The following TBX19 variants were observed in gnomAD, a reference collection of about 807,000 sequenced individuals.
The protein encoded by TBX19 is T-box transcription factor TBX19.
TBX19 carries 33 observed loss-of-function variants against 40.9 expected under a neutral mutation model. The ratio of observed to expected loss-of-function variants is 0.81; its 90% CI spans 0.61 to 1.08. TBX19 has a LOEUF of 1.08. Among genes scored for constraint, TBX19 ranks in the 50% least tolerant of loss-of-function variants. The probability of loss-of-function intolerance (pLI) is 0.00; values close to 1 mark genes in which losing one functional copy is unlikely to be tolerated. For synonymous variants in TBX19, 220 were observed against 225.0 expected (o/e 0.98, Z 0.20); for missense variants, 494 against 574.0 (o/e 0.86, Z 1.42).
In TBX19 at chr1:168,295,262, T is replaced by G. The variant is rs1013669588; in HGVS notation, c.603+1984T>G. On this transcript the variant is annotated intron_variant, in intron 3 of 7. Transcript: ENST00000367821. ...GCCGAGATTGCGCCACTGCACTCCA[T>G]CCTGGGTGAGAGAGCAAGACTTGGT... 2.6e-5 allele frequency among the ~76,000 whole-genome samples: 4 copies of G among 151,736 alleles called. No homozygotes were observed. In the South Asian group the frequency reaches 8.4e-4, roughly 32 times the overall value.
chr1:168,299,580 A>G (rs1232678076), intron 4 of TBX19, among the ~76,000 whole-genome samples: 1 of 151,778 alleles, frequency 6.6e-6, no homozygotes, highest in African/African-American at 2.4e-5. Context: ...GGCTCAAGCT[A>G]TCCTCCTGCT....
intron 1 of TBX19, among the ~76,000 whole-genome samples, chr1:168,283,257 T>C (rs1362716653): frequency 6.6e-6 from 1 of 152,248 alleles, no homozygotes; most frequent in Non-Finnish European, 1.5e-5. Flanking sequence ...CTGATTGCGG[T>C]GAACTTGGCT....
chr1:168,310,811 T>C (rs990888418), intron 7 of TBX19, among the ~76,000 whole-genome samples: 8 of 146,572 alleles, frequency 5.5e-5, no homozygotes. Flanking sequence ...TTAATATCTA[T>C]AAAATATATA....
chr1:168,293,158 T>G lies in TBX19; in HGVS notation c.483T>G (p.Ser161=), dbSNP rs199559734. 1.5e-5 allele frequency: 25 copies of G among 1,614,078 alleles called. No individual in the cohort carries two copies. In the East Asian group the frequency reaches 2.2e-4, roughly 14 times the overall value. Residue 161 remains serine, a synonymous_variant, in exon 3 of 8, where the codon TCT becomes TCG. Transcript: ENST00000367821. ...TGCCTCGACAGATAATGTTGAATTC[T>G]CTGCATAAATATGAACCCCAGGTTC... ...LNGGGQIMLN[S]LHKYEPQVHI...
chr1:168,283,102 C>A (rs562244930), intron 1 of TBX19, among the ~76,000 whole-genome samples: 1 of 152,340 alleles, frequency 6.6e-6, no homozygotes, highest in South Asian at 2.1e-4. Context: ...CCCAGCTACG[C>A]AGGAGGCTGA....
intron 1 of TBX19, among the ~76,000 whole-genome samples, chr1:168,289,495 G>C (rs1306878933): frequency 6.6e-6 from 1 of 152,204 alleles, no homozygotes; most frequent in Non-Finnish European, 1.5e-5. Flanking sequence ...TGTTGAGGTG[G>C]ATAATGCAGT....
chr1:168,301,196 C>T (rs1179711513), intron 5 of TBX19, among the ~76,000 whole-genome samples: 1 of 152,198 alleles, frequency 6.6e-6, no homozygotes, highest in East Asian at 1.9e-4. Flanking sequence ...TCCTTCCCTT[C>T]AATCTTACTG....
chr1:168,297,993 G>A (rs192506482), intron 4 of TBX19, among the ~76,000 whole-genome samples: 82 of 152,190 alleles, frequency 5.4e-4, no homozygotes, highest in African/African-American at 1.8e-3. Flanking sequence ...TCAGGAGATC[G>A]AGACCATCCT....
Position 168,293,397 on chromosome 1 carries a change from G to A in TBX19, c.603+119G>A. ...TTTAGATGAAAGGTAGGTTTTCCAG[G>A]ATTTGGATACACTCAGCAGACATGA... On this transcript the variant is annotated intron_variant, in intron 3 of 7. Transcript: ENST00000367821. 3.1e-6 allele frequency: 4 copies of A among 1,303,498 alleles called. No homozygotes were observed. The East Asian group carries it at 1.0e-4, about 34-fold the overall frequency. 80.7% of individuals were successfully genotyped at this position (1,303,498 alleles called of 1,614,324 possible). A position where few individuals can be genotyped will look rare whatever the true frequency, so the allele number is the denominator to read the frequency against.
intron 5 of TBX19, among the ~76,000 whole-genome samples, chr1:168,301,921 T>G (rs1649282837): frequency 6.6e-6 from 1 of 152,202 alleles, no homozygotes; most frequent in Admixed American, 6.5e-5. Flanking sequence ...CTGAAGCTGC[T>G]CCTCACACTC....
intron 5 of TBX19, among the ~76,000 whole-genome samples, chr1:168,301,980 T>C (rs1050100914): frequency 1.3e-5 from 2 of 152,248 alleles, no homozygotes; most frequent in Non-Finnish European, 2.9e-5. Flanking sequence ...TAACTCAGAC[T>C]GTTCTGAGCT....
chr1:168,297,766 T>C lies in TBX19; in HGVS notation c.646T>C (p.Phe216Leu). 1 of 1,614,018 alleles carries C rather than the reference T, an allele frequency of 6.2e-7. No individual in the cohort carries two copies. The highest frequency in any genetic ancestry group is 2.2e-5 in the East Asian group (1 of 44,900). Residue 216 changes from phenylalanine to leucine, a missense_variant, in exon 4 of 8, where the codon TTC becomes CTC. Physicochemically the swap from Phe to Leu is conservative, Grantham distance 22. Transcript: ENST00000367821. ...CAAGTACAATCCTTTTGCCAAAGCC[T>C]TCTTGGATGCCAAGGAAAGGTAAGT... Reference protein sequence around the residue: ...KIKYNPFAKAFLDAKERNHLR... With the variant: ...KIKYNPFAKALLDAKERNHLR...
intron 4 of TBX19, 140 bp downstream of exon 4, chr1:168,297,925 G>A (rs530305916): frequency 5.8e-5 from 44 of 763,730 alleles, no homozygotes; most frequent in Non-Finnish European, 7.4e-5. Context: ...GGCCAGGTGC[G>A]GTGGCTCATG....
intron 4 of TBX19, among the ~76,000 whole-genome samples, chr1:168,298,144 C>T (rs759050048): frequency 1.3e-5 from 2 of 152,070 alleles, no homozygotes; most frequent in Non-Finnish European, 2.9e-5. Context: ...TGCAGTGAGC[C>T]GAGATGGCGC....
At chr1:168,283,235 T>C (rs1648707916) in intron 1 of TBX19, among the ~76,000 whole-genome samples, 1 of 152,216 alleles carries the variant, frequency 6.6e-6, no homozygotes, top group Non-Finnish European at 1.5e-5. Flanking sequence ...CAATATTCTT[T>C]GTAGAAAAAG....
At position 168,296,120 on chromosome 1, in the gene TBX19, C is replaced by T. The variant is rs28673528; in HGVS notation, c.604-1604C>T. 9.3e-3 allele frequency among the ~76,000 whole-genome samples: 1,420 copies of T among 152,222 alleles called. 21 individuals are homozygous for T. Among genetic ancestry groups the T allele is most frequent in the African/African-American group, 0.032 (1,333 of 41,530 alleles). On this transcript the variant is annotated intron_variant, in intron 3 of 7. Transcript: ENST00000367821. ...AGATGCACCCCGAGTGGCGAGTGGG[C>T]GTGGGGGTGGGTGAAGGAGGCCAGT... is the stretch of plus-strand genomic sequence containing the variant.
At chr1:168,308,549 A>G in intron 6 of TBX19, 193 bp from the exon 7 acceptor site, 1 of 646,766 alleles carries the variant, frequency 1.5e-6, no homozygotes, top group Non-Finnish European at 2.7e-6. Flanking sequence ...ACTATGAATG[A>G]CACCTGGCAT....
At chr1:168,310,701 A>C (rs1336010217) in intron 7 of TBX19, among the ~76,000 whole-genome samples, 1 of 147,134 alleles carries the variant, frequency 6.8e-6, no homozygotes, top group East Asian at 1.9e-4. Context: ...ATATACCACT[A>C]TATTACATAT....
At chr1:168,307,733 C>T (rs1445856307) in intron 6 of TBX19, among the ~76,000 whole-genome samples, 2 of 151,910 alleles carry the variant, frequency 1.3e-5, no homozygotes, top group East Asian at 1.9e-4. Context: ...GACATTCTTC[C>T]CCCACCCCCA....
Sources: allele counts gnomAD v4.1 joint callset (sites outside exome capture counted in the v4.1 genomes callset), GRCh38; gene constraint gnomAD v4.1.1; transcripts MANE v1.5; gene names NCBI Gene and HGNC (gene_info 2026-07-23, HGNC 2026-07-21).